ANO6: variants seen among roughly 807,000 people sequenced by gnomAD.
The protein encoded by ANO6 is anoctamin-6.
ANO6 carries 106 observed loss-of-function variants against 117.5 expected under a neutral mutation model. The ratio of observed to expected loss-of-function variants is 0.90; its 90% CI spans 0.77 to 1.06. The LOEUF is 1.06. Ranked by LOEUF, ANO6 falls within the 50% of genes least tolerant of loss-of-function variation. The pLI is 0.00. For synonymous variants in ANO6, 367 were observed against 385.1 expected (o/e 0.95, Z 0.55); for missense variants, 955 against 1,121.1 (o/e 0.85, Z 2.12).
intron 1 of ANO6, among the ~76,000 whole-genome samples, chr12:45,225,703 T>A (rs1947472346): frequency 6.6e-6 from 1 of 152,032 alleles, no homozygotes; most frequent in Non-Finnish European, 1.5e-5. Flanking sequence ...GTTAACCAGG[T>A]TGGTCTTGAT....
chr12:45,343,839 C>T lies in ANO6; in HGVS notation c.280-3183C>T, dbSNP rs7302346. On this transcript the variant is annotated intron_variant, in intron 3 of 19. Coordinates refer to ENST00000320560, the MANE Select transcript of ANO6 (RefSeq NM_001025356.3). ...AGCAGTAGCTATGGACAGCTCCTGC[C>T]GTAACCTCTACCATCTCTGGAACTG... 2.7e-3 allele frequency among the ~76,000 whole-genome samples: 410 copies of T among 152,242 alleles called. 2 individuals are homozygous for T. Among genetic ancestry groups the T allele is most frequent in the African/African-American group, 9.3e-3 (385 of 41,566 alleles).
chr12:45,393,649 G>C (rs1320220787), intron 12 of ANO6, among the ~76,000 whole-genome samples: 2 of 152,118 alleles, frequency 1.3e-5, no homozygotes, highest in Non-Finnish European at 2.9e-5. Flanking sequence ...CACATCTCTT[G>C]GCAGAAACCC....
In ANO6 at chr12:45,391,409, G is replaced by C. The variant is rs1376677494; in HGVS notation, c.1386+911G>C. On this transcript the variant is annotated intron_variant, in intron 12 of 19. Transcript: ENST00000320560. ...TGAAGCCTAGAAATAGCCCCTGATA[G>C]CAATAAAAATGTAATATGTCAGAAA... 2.0e-5 allele frequency among the ~76,000 whole-genome samples: 3 copies of C among 152,248 alleles called. No individual in the cohort carries two copies. The East Asian group carries it at 5.8e-4, about 29-fold the overall frequency.
At chr12:45,357,457 A>G in intron 8 of ANO6, 33 bp downstream of exon 8, 4 of 1,612,284 alleles carry the variant, frequency 2.5e-6, no homozygotes, top group Non-Finnish European at 3.4e-6. Flanking sequence ...TGCCATGCTG[A>G]AAAGTTTATT....
At chr12:45,325,880 G>A (rs923589867) in intron 2 of ANO6, among the ~76,000 whole-genome samples, 4 of 152,154 alleles carry the variant, frequency 2.6e-5, no homozygotes, top group Middle Eastern at 3.4e-3. Flanking sequence ...CCATAAGAAG[G>A]CTCCTAACTC....
intron 1 of ANO6, among the ~76,000 whole-genome samples, chr12:45,296,322 C>T (rs1413892336): frequency 1.3e-5 from 2 of 152,080 alleles, no homozygotes; most frequent in Admixed American, 6.6e-5. Context: ...TAGTTGCGTA[C>T]GTTGACTAGA....
At position 45,351,457 on chromosome 12, in the gene ANO6, G is replaced by A. The variant is rs745338242; in HGVS notation, c.863+683G>A. On this transcript the variant is annotated intron_variant, in intron 7 of 19. Transcript: ENST00000320560. Reference sequence around the variant, plus strand: ...TGGGCAGGGCTGAGGATTCTGGCTTGTGGGAGATAGACCAAGAACACCCAA... The same window carrying A: ...TGGGCAGGGCTGAGGATTCTGGCTTATGGGAGATAGACCAAGAACACCCAA... Among the ~76,000 whole-genome samples the A allele has an allele frequency of 3.2e-4, 49 of 152,154 alleles. 1 individual carries two copies. The highest frequency in any genetic ancestry group is 4.9e-4 in the Non-Finnish European group (33 of 68,026).
chr12:45,322,764 A>G lies in ANO6; in HGVS notation c.151-8531A>G, dbSNP rs910106181. Among the ~76,000 whole-genome samples, 8 of 152,180 alleles carry G rather than the reference A, an allele frequency of 5.3e-5. 1 individual carries two copies. The highest frequency in any genetic ancestry group is 1.9e-4 in the African/African-American group (8 of 41,446). On this transcript the variant is annotated intron_variant, in intron 2 of 19. Coordinates refer to ENST00000320560, the MANE Select transcript of ANO6 (RefSeq NM_001025356.3). The stretch of plus-strand genomic sequence containing the variant: ...TATGAGAACTAAAGATGAAAAAGTC[A>G]AAGGTCACCTATATTTTATATTGCA...
intron 17 of ANO6, among the ~76,000 whole-genome samples, chr12:45,419,146 C>CA (rs1943289541): frequency 6.6e-6 from 1 of 152,158 alleles, no homozygotes; most frequent in Non-Finnish European, 1.5e-5. Context: ...GCCAGAGCAT[C>CA]TGTTATTGAA....
At chr12:45,273,604 T>C (rs1205988951) in intron 1 of ANO6, among the ~76,000 whole-genome samples, 2 of 152,244 alleles carry the variant, frequency 1.3e-5, no homozygotes, top group Non-Finnish European at 2.9e-5. Flanking sequence ...CTATTGATTT[T>C]CTTCTCACAT....
intron 16 of ANO6, among the ~76,000 whole-genome samples, chr12:45,414,767 C>A (rs887016705): frequency 3.9e-5 from 6 of 152,066 alleles, no homozygotes; most frequent in Non-Finnish European, 8.8e-5. Context: ...TTCAGCTTTT[C>A]TTTTCTTTCT....
At chr12:45,393,801 A>C (rs1942527033) in intron 12 of ANO6, among the ~76,000 whole-genome samples, 3 of 152,210 alleles carry the variant, frequency 2.0e-5, no homozygotes, top group South Asian at 4.1e-4. Flanking sequence ...ATGCTGAGAC[A>C]TTTTGTCACC....
chr12:45,302,178 C>A, intron 2 of ANO6, 85 bp downstream of exon 2: 2 of 1,210,512 alleles, frequency 1.7e-6, no homozygotes, highest in South Asian at 1.2e-5. Context: ...TTTATGAATT[C>A]ATTCCTTCAA....
intron 1 of ANO6, chr12:45,228,265 G>A: frequency 2.4e-6 from 1 of 408,514 alleles, no homozygotes; most frequent in Non-Finnish European, 4.8e-6. Context: ...TGCGTATCTG[G>A]GACCACAGGT....
At chr12:45,432,727 A>G (rs560049900), downstream of ANO6, among the ~76,000 whole-genome samples, 5 of 152,336 alleles carry the variant, frequency 3.3e-5, no homozygotes, top group East Asian at 9.6e-4. Flanking sequence ...AATACTCGTT[A>G]TATGACCAAT....
At chr12:45,375,048 T>C (rs1047776549) in intron 9 of ANO6, among the ~76,000 whole-genome samples, 2 of 151,896 alleles carry the variant, frequency 1.3e-5, no homozygotes, top group Admixed American at 6.6e-5. Context: ...CAAGCATTCT[T>C]ATACACCAAC....
intron 3 of ANO6, among the ~76,000 whole-genome samples, chr12:45,341,776 G>T (rs145144539): frequency 0.016 from 2,451 of 152,202 alleles, 250 homozygotes; most frequent in Admixed American, 0.15. Context: ...GAGTGAGTGG[G>T]GTTGCCTGTT....
intron 9 of ANO6, among the ~76,000 whole-genome samples, chr12:45,370,259 C>T (rs1007501455): frequency 3.9e-5 from 6 of 152,248 alleles, no homozygotes; most frequent in African/African-American, 1.4e-4. Context: ...TATTCTTTCT[C>T]AAGCGTCCAG....
intron 10 of ANO6, among the ~76,000 whole-genome samples, chr12:45,381,445 C>T (rs1942166543): frequency 6.6e-6 from 1 of 152,214 alleles, no homozygotes; most frequent in Non-Finnish European, 1.5e-5. Context: ...ACAGAAATTT[C>T]TGTCTGTGAT....
Sources: gnomAD v4.1 joint callset for allele counts (sites outside exome capture counted in the v4.1 genomes callset) on GRCh38, gnomAD v4.1.1 for gene constraint, MANE v1.5 for transcripts, NCBI Gene and HGNC (gene_info 2026-07-23, HGNC 2026-07-21) for gene names.